TDG: variants seen among roughly 807,000 people sequenced by gnomAD.
TDG encodes the protein G/T mismatch-specific thymine DNA glycosylase.
TDG carries 23 observed loss-of-function variants against 46.1 expected under a neutral mutation model. The observed-to-expected ratio is 0.50, with a 90% CI of 0.36 to 0.71. The LOEUF (loss-of-function observed/expected upper bound fraction) is 0.71. Ranked by LOEUF, TDG falls within the 30% of genes least tolerant of loss-of-function variation. TDG has a pLI of 0.00. For synonymous variants in TDG, 115 were observed against 161.3 expected (o/e 0.71, Z 2.18); for missense variants, 304 against 486.7 (o/e 0.62, Z 3.53).
chr12:103,973,874 G>A (rs909594401), intron 1 of TDG, among the ~76,000 whole-genome samples: 7 of 152,050 alleles, frequency 4.6e-5, no homozygotes, highest in Non-Finnish European at 1.0e-4. Context: ...TAGCTGCATA[G>A]TATTTTCTCA....
intron 1 of TDG, among the ~76,000 whole-genome samples, chr12:103,969,930 G>A (rs948767698): frequency 2.0e-5 from 3 of 152,118 alleles, no homozygotes; most frequent in Non-Finnish European, 4.4e-5. Context: ...ACTATTTGAG[G>A]AATACTGTAT....
At chr12:103,967,283 G>A (rs1871085382) in intron 1 of TDG, among the ~76,000 whole-genome samples, 1 of 152,092 alleles carries the variant, frequency 6.6e-6, no homozygotes, top group Non-Finnish European at 1.5e-5. Flanking sequence ...AAAGGCTATA[G>A]ACCAGATTTT....
At chr12:103,976,477 C>A (rs1871548419) in intron 1 of TDG, among the ~76,000 whole-genome samples, 1 of 151,198 alleles carries the variant, frequency 6.6e-6, no homozygotes, top group East Asian at 1.9e-4. Flanking sequence ...TAAAAATAAA[C>A]TAAAAGAGAA....
At chr12:103,982,137 G>A (rs564673013) in intron 4 of TDG, among the ~76,000 whole-genome samples, 1 of 152,228 alleles carries the variant, frequency 6.6e-6, no homozygotes, top group Non-Finnish European at 1.5e-5. Flanking sequence ...AGTGTATGCA[G>A]TATACGCTCA....
At chr12:103,985,815 T>C (rs1419250320) in intron 9 of TDG, 87 bp downstream of exon 9, 1 of 1,310,140 alleles carries the variant, frequency 7.6e-7, no homozygotes, top group African/African-American at 1.5e-5. Context: ...GAGTAAATTA[T>C]TGAAGAATGG....
At position 103,976,967 on chromosome 12, in the gene TDG, C is replaced by G. The variant is rs1410298286; in HGVS notation, c.73C>G (p.Leu25Val). 6.2e-7 allele frequency: 1 copy of G among 1,614,080 alleles called. No individual in the cohort carries two copies. The highest frequency in any genetic ancestry group is 2.2e-5 in the East Asian group (1 of 44,886). The change falls in exon 2 of 10, where the codon CTG (leucine) becomes GTG (valine). Residue 25 changes from leucine to valine, a missense_variant. Transcript: ENST00000392872. ...TTTTTATACGTTTCCATTTCAACAA[C>G]TGATGGCTGAAGCTCCTAATATGGC... ...QAFYTFPFQQLMAEAPNMAVV... is the reference protein window; with the variant it reads ...QAFYTFPFQQVMAEAPNMAVV...
intron 1 of TDG, among the ~76,000 whole-genome samples, chr12:103,966,397 C>T (rs1387151769): frequency 6.6e-6 from 1 of 152,208 alleles, no homozygotes; most frequent in East Asian, 1.9e-4. Context: ...TTTTCCGTCA[C>T]CCTCCATTAC....
chr12:103,966,191 A>G (rs1279576674), intron 1 of TDG, 131 bp downstream of exon 1: 1 of 1,263,820 alleles, frequency 7.9e-7, no homozygotes, highest in Non-Finnish European at 1.0e-6. Context: ...GCGCGTGCGC[A>G]CTGTGGCCTG....
Position 103,988,759 on chromosome 12 carries a change from T to C in TDG, c.*1669T>C, listed in dbSNP as rs1872345614. ...GACAGATGAGTAGTAAATGTTGATA[T>C]ATCCTATACATGACAGTGTGAGACT... On this transcript the variant is annotated 3_prime_UTR_variant, in exon 10 of 10. Coordinates refer to ENST00000392872, the MANE Select transcript of TDG (RefSeq NM_003211.6). 6.6e-6 allele frequency: 1 copy of C among 152,290 alleles called. No homozygotes were observed. The highest frequency in any genetic ancestry group is 2.4e-5 in the African/African-American group (1 of 41,466). 9.4% of individuals were successfully genotyped at this position (152,290 alleles called of 1,614,324 possible). A position where few individuals can be genotyped will look rare whatever the true frequency, so the allele number is the denominator to read the frequency against.
At position 103,985,063 on chromosome 12, in the gene TDG, GTGTATA is replaced by G. The variant is rs1872058669; in HGVS notation, c.964+145_964+150del. ...TATATGCACACGTGTATATATACAT[GTGTATA>G]TATACATATATACACATAAGTATGT... On this transcript the variant is annotated intron_variant, in intron 8 of 9. Coordinates refer to ENST00000392872, the MANE Select transcript of TDG (RefSeq NM_003211.6). 5 of 5,730 alleles carry G rather than the reference GTGTATA, an allele frequency of 8.7e-4. No homozygotes were observed. The East Asian group carries it at 0.5, about 573-fold the overall frequency. The allele number at this position is 5,730 out of a possible 1,614,324, so 0.4% of individuals were successfully genotyped here.
chr12:103,979,118 T>TTTTTTTG (rs1316474068), intron 2 of TDG, among the ~76,000 whole-genome samples: 1 of 148,172 alleles, frequency 6.7e-6, no homozygotes, highest in Admixed American at 6.7e-5. Context: ...TCTTTTTTTT[T>TTTTTTTG]TTTGGACAGA....
intron 2 of TDG, among the ~76,000 whole-genome samples, chr12:103,978,228 A>G (rs754663537): frequency 6.6e-5 from 10 of 151,982 alleles, no homozygotes; most frequent in South Asian, 2.1e-4. Context: ...GCCATGGCTA[A>G]TGGGTTTCAT....
At position 103,979,860 on chromosome 12, in the gene TDG, A is replaced by G. The variant is rs369649741; in HGVS notation, c.196A>G (p.Arg66Gly). ...TCCAAAAGGAAGAAAAAGAAAACCC[A>G]GAACAACAGAACCAAAACAACCAGT... ...EAPKGRKRKP[R>G]TTEPKQPVEP... The change falls in exon 3 of 10, where the codon AGA becomes GGA. Residue 66 changes from arginine to glycine, a missense_variant. Coordinates refer to ENST00000392872, the MANE Select transcript of TDG (RefSeq NM_003211.6). 1.7e-4 allele frequency: 268 copies of G among 1,583,346 alleles called. No individual in the cohort carries two copies. The highest frequency in any genetic ancestry group is 2.2e-4 in the Non-Finnish European group (261 of 1,172,492).
rs1200315945 is a variant in TDG at position 103,976,823 on chromosome 12, C to T, written c.24-95C>T. 4 of 1,453,202 alleles carry T rather than the reference C, an allele frequency of 2.8e-6. No individual in the cohort carries two copies. The East Asian group carries it at 9.2e-5, about 33-fold the overall frequency. 90.0% of individuals were successfully genotyped at this position (1,453,202 alleles called of 1,614,324 possible). On this transcript the variant is annotated intron_variant, in intron 1 of 9. Coordinates refer to ENST00000392872, the MANE Select transcript of TDG (RefSeq NM_003211.6). Reference sequence around the variant, plus strand: ...AATACTTCAGTCTGGTTACAAAATACTTAATACTGTACTGAAGATTTTTGT... The same window carrying T: ...AATACTTCAGTCTGGTTACAAAATATTTAATACTGTACTGAAGATTTTTGT...
chr12:103,980,133 A>G (rs1196184884), intron 3 of TDG, 61 bp downstream of exon 3: 1 of 1,597,116 alleles, frequency 6.3e-7, no homozygotes. Context: ...TTTACTTAAC[A>G]GTTGTCCTTG....
chr12:103,976,001 T>C (rs1051540102), intron 1 of TDG, among the ~76,000 whole-genome samples: 4 of 151,548 alleles, frequency 2.6e-5, no homozygotes, highest in Non-Finnish European at 5.9e-5. Context: ...ACACTTGCAT[T>C]GGGGATTTAG....
chr12:103,985,995 C>T (rs1225057606), intron 9 of TDG, among the ~76,000 whole-genome samples: 2 of 152,212 alleles, frequency 1.3e-5, no homozygotes, highest in African/African-American at 4.8e-5. Context: ...TCTTGGCTCA[C>T]TGCAAGCTCC....
intron 8 of TDG, among the ~76,000 whole-genome samples, chr12:103,985,166 TACACACAC>T (rs375705839): frequency 0.011 from 1,549 of 138,560 alleles, 29 homozygotes; most frequent in African/African-American, 0.033. Flanking sequence ...TATAGACACA[TACACACAC>T]ACACACACAC....
At chr12:103,975,188 C>T (rs1871476579) in intron 1 of TDG, among the ~76,000 whole-genome samples, 1 of 152,052 alleles carries the variant, frequency 6.6e-6, no homozygotes, top group African/African-American at 2.4e-5. Context: ...TGGTTTAAGG[C>T]CATGAGAAGT....
Sources: allele counts gnomAD v4.1 joint callset (sites outside exome capture counted in the v4.1 genomes callset), GRCh38; gene constraint gnomAD v4.1.1; transcripts MANE v1.5; gene names NCBI Gene and HGNC (gene_info 2026-07-23, HGNC 2026-07-21).